The following ZNF790 variants were observed in gnomAD, a reference collection of about 807,000 sequenced individuals.
ZNF790 encodes zinc finger protein 790.
A neutral mutation model predicts 12.1 loss-of-function variants in ZNF790; 8 were observed. The ratio of observed to expected loss-of-function variants is 0.66; its 90% CI spans 0.39 to 1.19. The LOEUF (loss-of-function observed/expected upper bound fraction) is 1.19. Ranked by LOEUF, ZNF790 falls within the 50% of genes most tolerant of loss-of-function variation. The probability of loss-of-function intolerance (pLI) is 0.01; values close to 1 mark genes in which losing one functional copy is unlikely to be tolerated. For missense variants in ZNF790, 707 were observed against 752.2 expected (o/e 0.94, Z 0.70); for synonymous variants, 252 against 244.3 (o/e 1.03, Z -0.29).
chr19:36,834,023 A>T (rs968729222), intron 1 of ZNF790, among the ~76,000 whole-genome samples: 4 of 152,124 alleles, frequency 2.6e-5, no homozygotes, highest in Admixed American at 2.0e-4. Context: ...CGGGTGGATC[A>T]TCTGAGGTCA....
In ZNF790 at chr19:36,818,338, T is replaced by C. The variant is rs2071587734; in HGVS notation, c.*95A>G. 10 of 1,249,770 alleles carry C rather than the reference T, an allele frequency of 8.0e-6. No individual in the cohort carries two copies. The South Asian group carries it at 1.8e-4, about 23-fold the overall frequency. 77.4% of individuals were successfully genotyped at this position (1,249,770 alleles called of 1,614,324 possible). A position where few individuals can be genotyped will look rare whatever the true frequency, so the allele number is the denominator to read the frequency against. ...TGCTCTGTTAAAATGCCTTCCAATA[T>C]TACTTACATTTGTGGTGTTCCTCAA... On this transcript the variant is annotated 3_prime_UTR_variant, in exon 5 of 5. Coordinates refer to ENST00000356725, the MANE Select transcript of ZNF790 (RefSeq NM_206894.4).
upstream of ZNF790, among the ~76,000 whole-genome samples, chr19:36,840,872 A>G (rs1435605458): frequency 1.3e-5 from 2 of 152,068 alleles, no homozygotes; most frequent in African/African-American, 4.8e-5. Flanking sequence ...GCAACAACAA[A>G]CAAATAGAGG....
chr19:36,819,787 G>A lies in ZNF790; in HGVS notation c.557C>T (p.Thr186Ile), dbSNP rs760398850. 9.3e-6 allele frequency: 15 copies of A among 1,612,840 alleles called. No individual in the cohort carries two copies. Among genetic ancestry groups the A allele is most frequent in the Admixed American group, 1.7e-5 (1 of 59,766 alleles). The part of the protein sequence containing the change: ...GKAFISGSDH[T>I]QHQLIHTSEK... ...ACTTGTGTGAATTAACTGATGTTGAGTATGATCTGAACCAGAAATAAAGGC... is the reference window on the plus strand; with the variant it reads ...ACTTGTGTGAATTAACTGATGTTGAATATGATCTGAACCAGAAATAAAGGC... Residue 186 changes from threonine to isoleucine, a missense_variant, in exon 5 of 5, where the codon ACT becomes ATT. By Grantham distance (89) the Thr-to-Ile change is moderately conservative. Coordinates refer to ENST00000356725, the MANE Select transcript of ZNF790 (RefSeq NM_206894.4).
intron 1 of ZNF790, among the ~76,000 whole-genome samples, chr19:36,848,760 T>G (rs1244160090): frequency 6.7e-6 from 1 of 149,866 alleles, no homozygotes; most frequent in Non-Finnish European, 1.5e-5. Flanking sequence ...GTTGGGGGGG[T>G]GGTGGCTCCA....
intron 1 of ZNF790, among the ~76,000 whole-genome samples, chr19:36,827,141 C>CACACACACACACACATATAT (rs1313807327): frequency 1.5e-4 from 13 of 84,442 alleles, no homozygotes; most frequent in East Asian, 4.9e-4. Flanking sequence ...CACACACACA[C>CACACACACACACACATATAT]ATATATATAT....
chr19:36,822,130 A>AC (rs898285055), intron 4 of ZNF790, among the ~76,000 whole-genome samples: 6 of 152,294 alleles, frequency 3.9e-5, no homozygotes, highest in African/African-American at 1.4e-4. Context: ...ATTCTTTTAA[A>AC]CCTAAAATAA....
chr19:36,825,559 A>G (rs1030050178), intron 2 of ZNF790, 52 bp downstream of exon 2: 4 of 1,571,304 alleles, frequency 2.5e-6, no homozygotes, highest in Non-Finnish European at 3.5e-6. Context: ...AAATATTCAC[A>G]TGATTTGATA....
At chr19:36,844,447 T>C (rs1305688237) in intron 1 of ZNF790, among the ~76,000 whole-genome samples, 1 of 151,788 alleles carries the variant, frequency 6.6e-6, no homozygotes, top group East Asian at 1.9e-4. Context: ...AAGGACTTTT[T>C]AAAAAGATGA....
upstream of ZNF790, among the ~76,000 whole-genome samples, chr19:36,841,797 C>T (rs895709965): frequency 5.4e-5 from 7 of 130,802 alleles, no homozygotes; most frequent in African/African-American, 2.1e-4. Flanking sequence ...TGCAGTGAGC[C>T]GAGATCACAC....
intron 1 of ZNF790, among the ~76,000 whole-genome samples, chr19:36,848,731 C>A (rs1041004613): frequency 2.0e-5 from 3 of 152,044 alleles, no homozygotes; most frequent in Non-Finnish European, 4.4e-5. Flanking sequence ...GGAAGAAGTT[C>A]CCCCATACAG....
intron 1 of ZNF790, among the ~76,000 whole-genome samples, chr19:36,847,877 A>G (rs187560411): frequency 3.3e-5 from 5 of 152,236 alleles, no homozygotes; most frequent in Admixed American, 1.3e-4. Context: ...GTACCTTCTG[A>G]CATGTGGGGA....
chr19:36,838,843 C>T (rs1020338961), upstream of ZNF790, among the ~76,000 whole-genome samples: 2 of 152,218 alleles, frequency 1.3e-5, no homozygotes, highest in African/African-American at 4.8e-5. This position sits in a 1 kb window ranked among gnomAD's most constrained non-coding sequence, Gnocchi z 4.4. Flanking sequence ...GAAAGTCCTA[C>T]AAGACTGTGC....
intron 1 of ZNF790, among the ~76,000 whole-genome samples, chr19:36,844,671 A>C (rs970492359): frequency 2.6e-5 from 4 of 152,182 alleles, no homozygotes; most frequent in African/African-American, 9.7e-5. Context: ...TTCTATAGTC[A>C]GTAAAAATCT....
intron 1 of ZNF790, among the ~76,000 whole-genome samples, chr19:36,843,846 TA>T (rs1263436045): frequency 6.6e-6 from 1 of 151,064 alleles, no homozygotes; most frequent in Non-Finnish European, 1.5e-5. Context: ...CCGTCTCTAC[TA>T]AAAATACAAA....
Position 36,819,288 on chromosome 19 carries a change from G to A in ZNF790, c.1056C>T (p.His352=), listed in dbSNP as rs749786209. 2 of 1,611,322 alleles carry A rather than the reference G, an allele frequency of 1.2e-6. No homozygotes were observed. Among genetic ancestry groups the A allele is most frequent in the Non-Finnish European group, 8.5e-7 (1 of 1,178,540 alleles). ...ECGKAFTRGS[H]LTQHQRIHTG... ...TATGAATTCTCTGATGCTGAGTTAG[G>A]TGTGATCCACGAGTAAAAGCTTTCC... Residue 352 remains histidine, a synonymous_variant, in exon 5 of 5, where the codon CAC becomes CAT. Transcript: ENST00000356725.
intron 1 of ZNF790, among the ~76,000 whole-genome samples, chr19:36,849,129 G>A (rs2146101115): frequency 6.6e-6 from 1 of 152,060 alleles, no homozygotes; most frequent in South Asian, 2.1e-4. Context: ...TAGAGAGTAT[G>A]CTGTTCAGGC....
intron 1 of ZNF790, among the ~76,000 whole-genome samples, chr19:36,847,532 C>T (rs202084890): frequency 1.3e-5 from 2 of 149,140 alleles, no homozygotes; most frequent in Non-Finnish European, 3.0e-5. Context: ...GGTGGATCAC[C>T]TGAGGTCAGG....
chr19:36,847,302 G>A (rs1452107729), intron 1 of ZNF790, among the ~76,000 whole-genome samples: 1 of 152,036 alleles, frequency 6.6e-6, no homozygotes, highest in Non-Finnish European at 1.5e-5. Flanking sequence ...AGTGAGCCGA[G>A]ATTGCGCCAC....
chr19:36,848,804 G>GT (rs199594431), intron 1 of ZNF790, among the ~76,000 whole-genome samples: 2,610 of 44,298 alleles, frequency 0.059, 68 homozygotes, highest in East Asian at 0.13. Flanking sequence ...GTTTTTTGGG[G>GT]GTTTTTTGAG....
Sources: allele counts gnomAD v4.1 joint callset (sites outside exome capture counted in the v4.1 genomes callset), GRCh38; gene constraint gnomAD v4.1.1; non-coding constraint Gnocchi (gnomAD v3.1); transcripts MANE v1.5; gene names NCBI Gene and HGNC (gene_info 2026-07-23, HGNC 2026-07-21).